The following SLC30A7 variants were observed in gnomAD, a reference collection of about 807,000 sequenced individuals.
SLC30A7 encodes the protein solute carrier family 30 member 7, also known as zinc transporter 7.
SLC30A7 carries 35 observed loss-of-function variants against 46.0 expected under a neutral mutation model. The observed-to-expected ratio is 0.76, with a 90% CI of 0.58 to 1.01. SLC30A7 has a LOEUF of 1.01. Ranked by LOEUF, SLC30A7 falls within the 50% of genes least tolerant of loss-of-function variation. The pLI, the probability that SLC30A7 is intolerant of heterozygous loss-of-function variation, is 0.00. For synonymous variants in SLC30A7, 147 were observed against 157.8 expected (o/e 0.93, Z 0.51); for missense variants, 464 against 451.1 (o/e 1.03, Z -0.26).
intron 8 of SLC30A7, among the ~76,000 whole-genome samples, chr1:100,949,431 A>G (rs1654835978): frequency 6.6e-6 from 1 of 152,138 alleles, no homozygotes; most frequent in South Asian, 2.1e-4. Flanking sequence ...GTCAGCCCCT[A>G]CTGGGAGGTG....
At chr1:100,967,265 G>A (rs919962232) in intron 10 of SLC30A7, among the ~76,000 whole-genome samples, 3 of 152,154 alleles carry the variant, frequency 2.0e-5, no homozygotes, top group Non-Finnish European at 2.9e-5. Context: ...CAGTTTTTCC[G>A]TGAACAGGGG....
At chr1:100,900,244 A>C (rs1214603491) in intron 2 of SLC30A7, among the ~76,000 whole-genome samples, 3 of 152,188 alleles carry the variant, frequency 2.0e-5, no homozygotes, top group Non-Finnish European at 4.4e-5. Flanking sequence ...AGTATTTCTT[A>C]CCAAAGCTGT....
chr1:100,969,446 C>T (rs1283827302), intron 10 of SLC30A7, among the ~76,000 whole-genome samples: 1 of 152,190 alleles, frequency 6.6e-6, no homozygotes, highest in African/African-American at 2.4e-5. Flanking sequence ...CATTTACTCA[C>T]AATTTGCCCT....
intron 3 of SLC30A7, among the ~76,000 whole-genome samples, chr1:100,908,391 G>A (rs1007589035): frequency 3.9e-5 from 6 of 152,232 alleles, no homozygotes; most frequent in South Asian, 2.1e-4. Flanking sequence ...CTGCCTTGCC[G>A]GAACTTGTCT....
Position 100,973,200 on chromosome 1 carries a change from C to T in SLC30A7, c.1084-1610C>T, listed in dbSNP as rs187264797. Among the ~76,000 whole-genome samples, 7 of 152,122 alleles carry T rather than the reference C, an allele frequency of 4.6e-5. No homozygotes were observed. The East Asian group carries it at 1.2e-3, about 25-fold the overall frequency. ...CAAGCACTCAGTATTGTACAGAGCC[C>T]TCCTACCTGAATTCTAGAAAAAAAG... On this transcript the variant is annotated intron_variant, in intron 10 of 10. Transcript: ENST00000357650.
At chr1:100,970,928 C>T (rs1656129037) in intron 10 of SLC30A7, among the ~76,000 whole-genome samples, 1 of 152,008 alleles carries the variant, frequency 6.6e-6, no homozygotes, top group African/African-American at 2.4e-5. Flanking sequence ...ATTATCAGTT[C>T]CACAAAACAC....
rs1656817568 is a variant in SLC30A7 at position 100,979,802 on chromosome 1, C to T, written c.*4945C>T. ...AATTTAAGTGACTTGCCTGGGGAAT[C>T]TAGCCAGTAGTAGAGTACTGATTAA... On this transcript the variant is annotated 3_prime_UTR_variant, in exon 11 of 11. Transcript: ENST00000357650. The T allele has an allele frequency of 6.6e-6, 1 of 152,080 alleles. No homozygotes were observed. Among genetic ancestry groups the T allele is most frequent in the Admixed American group, 6.5e-5 (1 of 15,272 alleles). The allele number at this position is 152,080 out of a possible 1,614,324, so 9.4% of individuals were successfully genotyped here.
chr1:100,986,205 T>C (rs1274767229), downstream of SLC30A7, among the ~76,000 whole-genome samples: 2 of 151,868 alleles, frequency 1.3e-5, no homozygotes, highest in Non-Finnish European at 2.9e-5. Context: ...AGGTTGGGAG[T>C]TCGGGACCAG....
the SLC30A7 span, among the ~76,000 whole-genome samples, chr1:100,993,596 A>G: frequency 7.7e-6 from 1 of 129,762 alleles, no homozygotes; most frequent in Non-Finnish European, 1.6e-5. Flanking sequence ...ATATATATAT[A>G]TAGCTATTGT....
chr1:100,910,916 A>G (rs1652044503), intron 3 of SLC30A7, 147 bp from the exon 4 acceptor site: 3 of 515,972 alleles, frequency 5.8e-6, no homozygotes, highest in African/African-American at 2.0e-5. Context: ...TATATAAAAT[A>G]AAATGCACTG....
chr1:100,943,363 G>A (rs529774665), intron 8 of SLC30A7, among the ~76,000 whole-genome samples: 1 of 151,666 alleles, frequency 6.6e-6, no homozygotes, highest in East Asian at 1.9e-4. Context: ...ATGGGGTGAG[G>A]TATGGGGGAA....
chr1:100,974,826 T>A lies in SLC30A7; in HGVS notation c.1100T>A (p.Leu367His), dbSNP rs774750341. The A allele has an allele frequency of 8.1e-6, 13 of 1,597,980 alleles. No homozygotes were observed. The highest frequency in any genetic ancestry group is 1.3e-5 in the African/African-American group (1 of 74,720). The change falls in exon 11 of 11, where the codon CTC becomes CAC. Residue 367 changes from leucine (L) to histidine (H), a missense_variant. Leu to His is a moderately conservative substitution (Grantham distance 99). Transcript: ENST00000357650. Reference sequence around the variant, plus strand: ...ACTTTTCAGGCTGGAGTGAGACAGCTCTACGTACAGATTGACTTTGCAGCC... The same window carrying A: ...ACTTTTCAGGCTGGAGTGAGACAGCACTACGTACAGATTGACTTTGCAGCC... ...NIFTQAGVRQ[L>H]YVQIDFAAM
chr1:100,990,637 A>G, the SLC30A7 span: 1 of 1,380,648 alleles, frequency 7.2e-7, no homozygotes, highest in East Asian at 2.6e-5. Flanking sequence ...AACTGCTATT[A>G]AAAAAAAAAG....
intron 8 of SLC30A7, among the ~76,000 whole-genome samples, chr1:100,960,515 C>T (rs1384408200): frequency 1.3e-5 from 2 of 152,118 alleles, no homozygotes; most frequent in Non-Finnish European, 2.9e-5. Context: ...TTCTTGGTAC[C>T]TCTCTTTCCT....
rs373229216 is a variant in SLC30A7, at chr1:100,977,409, T to A, written c.*2552T>A. ...AATTAAATGCCAGTATACCTATGTG[T>A]GCAGCAGTAAAAAATTAGTGAGAAA... On this transcript the variant is annotated 3_prime_UTR_variant, in exon 11 of 11. Transcript: ENST00000357650. The A allele has an allele frequency of 8.5e-5, 13 of 152,222 alleles. No homozygotes were observed. The highest frequency in any genetic ancestry group is 3.1e-4 in the African/African-American group (13 of 41,460). 9.4% of individuals were successfully genotyped at this position (152,222 alleles called of 1,614,324 possible). A position where few individuals can be genotyped will look rare whatever the true frequency, so the allele number is the denominator to read the frequency against.
At chr1:100,899,051 A>C (rs2100998495) in intron 2 of SLC30A7, among the ~76,000 whole-genome samples, 1 of 152,306 alleles carries the variant, frequency 6.6e-6, no homozygotes. Flanking sequence ...GGAAGAACTT[A>C]ATTATAGTTG....
chr1:100,920,303 T>A (rs1652860187), intron 7 of SLC30A7, among the ~76,000 whole-genome samples: 1 of 152,044 alleles, frequency 6.6e-6, no homozygotes, highest in South Asian at 2.1e-4. Flanking sequence ...TCTGCTTTGA[T>A]GTGTATTTTT....
intron 6 of SLC30A7, among the ~76,000 whole-genome samples, chr1:100,917,262 GC>G (rs1167378850): frequency 6.6e-6 from 1 of 152,108 alleles, no homozygotes; most frequent in Admixed American, 6.5e-5. Context: ...TTCCCATACA[GC>G]AGTACAATAT....
chr1:100,909,563 C>A (rs575788979), intron 3 of SLC30A7, among the ~76,000 whole-genome samples: 30 of 152,224 alleles, frequency 2.0e-4, no homozygotes, highest in African/African-American at 7.0e-4. Flanking sequence ...AATTCTAAGA[C>A]CTACTCAATC....
Sources: gnomAD v4.1 joint callset for allele counts (sites outside exome capture counted in the v4.1 genomes callset) on GRCh38, gnomAD v4.1.1 for gene constraint, MANE v1.5 for transcripts, NCBI Gene and HGNC (gene_info 2026-07-23, HGNC 2026-07-21) for gene names.